Variants in UBXN2B observed in about 807,000 individuals in gnomAD.
UBXN2B encodes the protein UBX domain protein 2B, also known as UBX domain-containing protein 2B.
In UBXN2B, 19 loss-of-function variants were observed where a neutral mutation model predicts 37.5. The observed-to-expected ratio is 0.51, with a 90% CI of 0.35 to 0.74. The LOEUF is 0.74. Ranked by LOEUF, UBXN2B falls within the 30% of genes least tolerant of loss-of-function variation. The probability of loss-of-function intolerance (pLI) is 0.01; values close to 1 mark genes in which losing one functional copy is unlikely to be tolerated. For missense variants in UBXN2B, 370 were observed against 393.2 expected, an observed-to-expected ratio of 0.94 and a Z score of 0.50; for synonymous variants, 145 against 143.8, an observed-to-expected ratio of 1.01 and a Z score of -0.06.
At chr8:58,418,988 A>G (rs2129603744) in intron 2 of UBXN2B, among the ~76,000 whole-genome samples, 1 of 152,334 alleles carries the variant, frequency 6.6e-6, no homozygotes, top group South Asian at 2.1e-4. Flanking sequence ...AAATATAATC[A>G]TTAAGATATT....
chr8:58,430,700 G>A, intron 3 of UBXN2B, 31 bp downstream of exon 3: 2 of 1,367,372 alleles, frequency 1.5e-6, no homozygotes, highest in Non-Finnish European at 1.9e-6. Flanking sequence ...TAAATACATT[G>A]TTTCTATATT....
At chr8:58,414,066 G>A (rs59858156) in intron 1 of UBXN2B, among the ~76,000 whole-genome samples, 4,144 of 152,302 alleles carry the variant, frequency 0.027, 209 homozygotes, top group East Asian at 0.23. Context: ...TATTGTTAGG[G>A]TTAGGATTGG....
chr8:58,416,327 A>T (rs1807782518), intron 1 of UBXN2B, among the ~76,000 whole-genome samples: 2 of 152,266 alleles, frequency 1.3e-5, no homozygotes, highest in South Asian at 2.1e-4. Flanking sequence ...TAAACCATAT[A>T]TAATTTATGG....
chr8:58,434,370 T>A (rs1585611997), intron 4 of UBXN2B, 25 bp from the exon 5 acceptor site: 1 of 241,134 alleles, frequency 4.1e-6, no homozygotes, highest in Non-Finnish European at 5.8e-6. Context: ...TATATATATA[T>A]TTTTTTTTTT....
In UBXN2B at chr8:58,416,835, C is replaced by T; in HGVS notation, c.85-15C>T. ...TCCTAGTGTTATACTTTGTAACAAGCCTGTTATTATGTAGTTGGCCTTGGC... is the reference window on the plus strand; with the variant it reads ...TCCTAGTGTTATACTTTGTAACAAGTCTGTTATTATGTAGTTGGCCTTGGC... On this transcript the variant is annotated splice_polypyrimidine_tract_variant and intron_variant, in intron 1 of 7. Transcript: ENST00000399598. 2 of 1,604,632 alleles carry T rather than the reference C, an allele frequency of 1.2e-6. No homozygotes were observed. The highest frequency in any genetic ancestry group is 1.7e-6 in the Non-Finnish European group (2 of 1,173,342).
At chr8:58,441,972 G>A (rs1262788180) in intron 6 of UBXN2B, among the ~76,000 whole-genome samples, 1 of 152,212 alleles carries the variant, frequency 6.6e-6, no homozygotes, top group Admixed American at 6.5e-5. Flanking sequence ...CAGTGGAAGA[G>A]TGTTCCAGAG....
Position 58,439,667 on chromosome 8 carries a change from G to T in UBXN2B, c.568G>T (p.Gly190Cys). Residue 190 changes from glycine (G) to cysteine (C), a missense_variant, in exon 6 of 8, where the codon GGT becomes TGT. By Grantham distance (159) the Gly-to-Cys change is radical (BLOSUM62 -3). Around this residue, in one of 3 missense-constraint regions of UBXN2B, gnomAD observed 90 missense variants for 139.4 expected, o/e 0.65. Transcript: ENST00000399598. ...CCTGGAGCTTCAGCGCCTTGTTCAT[G>T]GTGGCCAAGTGAATTTGGATATGGA... Reference protein sequence around the residue: ...IPLELQRLVHGGQVNLDMEDH... With the variant: ...IPLELQRLVHCGQVNLDMEDH... 1 of 1,610,534 alleles carries T rather than the reference G, an allele frequency of 6.2e-7. No homozygotes were observed. Among genetic ancestry groups the T allele is most frequent in the Non-Finnish European group, 8.5e-7 (1 of 1,179,042 alleles).
chr8:58,414,683 A>G (rs1301749566), intron 1 of UBXN2B, among the ~76,000 whole-genome samples: 1 of 152,074 alleles, frequency 6.6e-6, no homozygotes, highest in Non-Finnish European at 1.5e-5. Context: ...AGTATTTACT[A>G]ATGAACTCAT....
chr8:58,434,953 G>C (rs2129604343), intron 5 of UBXN2B: 1 of 1,535,466 alleles, frequency 6.5e-7, no homozygotes, highest in African/African-American at 1.4e-5. Context: ...CAAAAGGTTA[G>C]TTTGAAGTTA....
At chr8:58,439,917 A>T in intron 6 of UBXN2B, 147 bp downstream of exon 6, 1 of 633,072 alleles carries the variant, frequency 1.6e-6, no homozygotes, top group Non-Finnish European at 2.5e-6. Flanking sequence ...ATATCATAAT[A>T]TTATATCATG....
At chr8:58,442,411 G>A (rs1452883038) in intron 6 of UBXN2B, among the ~76,000 whole-genome samples, 4 of 152,152 alleles carry the variant, frequency 2.6e-5, no homozygotes, top group Non-Finnish European at 5.9e-5. Context: ...TTTCTAAAAT[G>A]GCTTGGTTCT....
In UBXN2B at chr8:58,430,513, T is replaced by G; in HGVS notation, c.189-6T>G. 6.5e-7 allele frequency: 1 copy of G among 1,533,082 alleles called. No homozygotes were observed. The highest frequency in any genetic ancestry group is 8.8e-7 in the Non-Finnish European group (1 of 1,137,252). 95.0% of individuals were successfully genotyped at this position (1,533,082 alleles called of 1,614,324 possible). ...AGTTTTTATTCATGAACTAAAATGT[T>G]TAAAGGTTTTACTCAAGTGAACATG... On this transcript the variant is annotated splice_region_variant and splice_polypyrimidine_tract_variant and intron_variant, in intron 2 of 7. Coordinates refer to ENST00000399598, the MANE Select transcript of UBXN2B (RefSeq NM_001077619.2).
intron 6 of UBXN2B, among the ~76,000 whole-genome samples, chr8:58,442,672 A>G (rs929221825): frequency 2.0e-5 from 3 of 152,266 alleles, no homozygotes; most frequent in Non-Finnish European, 4.4e-5. Context: ...TTGCAATGGT[A>G]GAACAAACTG....
intron 2 of UBXN2B, chr8:58,424,885 A>C: frequency 1.9e-6 from 2 of 1,070,112 alleles, no homozygotes; most frequent in Admixed American, 3.4e-5. Flanking sequence ...AGACTGCACC[A>C]TCTGGATAGT....
intron 5 of UBXN2B, among the ~76,000 whole-genome samples, chr8:58,439,264 T>C (rs139425363): frequency 2.8e-4 from 43 of 152,270 alleles, no homozygotes; most frequent in African/African-American, 9.9e-4. Flanking sequence ...CCATATCAAT[T>C]TTCAGAACTT....
intron 2 of UBXN2B, among the ~76,000 whole-genome samples, chr8:58,422,256 A>G (rs1362907682): frequency 2.0e-5 from 3 of 148,076 alleles, no homozygotes; most frequent in Admixed American, 6.7e-5. Flanking sequence ...GGGCAGGGAT[A>G]GGGGCTGATA....
intron 1 of UBXN2B, among the ~76,000 whole-genome samples, chr8:58,415,788 T>A (rs1240338243): frequency 6.6e-6 from 1 of 152,062 alleles, no homozygotes; most frequent in Non-Finnish European, 1.5e-5. Flanking sequence ...ACTTTTATAA[T>A]TCAGATTTCT....
chr8:58,447,141 A>G (rs181202149), intron 7 of UBXN2B, among the ~76,000 whole-genome samples: 1 of 152,224 alleles, frequency 6.6e-6, no homozygotes, highest in Non-Finnish European at 1.5e-5. Flanking sequence ...CACTTACTTT[A>G]TTCATAACTT....
chr8:58,444,136 G>A (rs1229149716), intron 6 of UBXN2B, among the ~76,000 whole-genome samples: 1 of 152,168 alleles, frequency 6.6e-6, no homozygotes, highest in Admixed American at 6.5e-5. Flanking sequence ...ACAGAAAGCA[G>A]TAGATTACAA....
Sources: gnomAD v4.1 joint callset for allele counts (sites outside exome capture counted in the v4.1 genomes callset) on GRCh38, gnomAD v4.1.1 for gene constraint, gnomAD v4.1.1 regional missense constraint, MANE v1.5 for transcripts, NCBI Gene and HGNC (gene_info 2026-07-23, HGNC 2026-07-21) for gene names.